F8: variants seen among roughly 807,000 people sequenced by gnomAD.
F8 encodes coagulation factor VIII.
In F8, 12 loss-of-function variants were observed where a neutral mutation model predicts 140.6. The observed-to-expected ratio is 0.09, with a 90% CI of 0.05 to 0.14. F8 has a LOEUF of 0.14. Among genes scored for constraint, F8 ranks in the 10% least tolerant of loss-of-function variants. F8 has a pLI of 1.00. For synonymous variants in F8, 585 were observed against 614.6 expected (o/e 0.95, Z 0.71); for missense variants, 1,354 against 1,720.7 (o/e 0.79, Z 3.77).
chrX:154,891,286 C>A (rs914153446), intron 22 of F8, among the ~76,000 whole-genome samples: 1 of 112,908 alleles, frequency 8.9e-6, no homozygotes, highest in Non-Finnish European at 1.9e-5. Flanking sequence ...TATAATTTGA[C>A]AACACAAAAG....
At chrX:154,940,879 G>T (rs1557279679) in intron 13 of F8, among the ~76,000 whole-genome samples, 1 of 111,984 alleles carries the variant, frequency 8.9e-6, no homozygotes, top group African/African-American at 3.2e-5. Context: ...TTAAAGAAAA[G>T]AATTTTCAAC....
At chrX:154,998,046 G>A (rs1263180664) in intron 2 of F8, among the ~76,000 whole-genome samples, 1 of 112,283 alleles carries the variant, frequency 8.9e-6, no homozygotes, top group African/African-American at 3.2e-5. Context: ...ACATAAAATA[G>A]CCTTATTTTT....
chrX:154,850,485 A>ATT (rs35039422), intron 25 of F8, among the ~76,000 whole-genome samples: 59 of 84,325 alleles, frequency 7.0e-4, no homozygotes, highest in South Asian at 2.9e-3. Flanking sequence ...CCTTCTCTTT[A>ATT]TTTTTTTTTT....
intron 14 of F8, among the ~76,000 whole-genome samples, chrX:154,913,847 C>T (rs111941487): frequency 0.01 from 1,149 of 112,582 alleles, 14 homozygotes; most frequent in African/African-American, 0.035. Flanking sequence ...TCCAGGCCCA[C>T]GGTGCAAGCT....
At chrX:154,902,986 T>A (rs1203768121) in intron 18 of F8, among the ~76,000 whole-genome samples, 1 of 111,674 alleles carries the variant, frequency 9.0e-6, no homozygotes, top group Non-Finnish European at 1.9e-5. Flanking sequence ...GGAGGGGAGA[T>A]TGAAGTTAAA....
At chrX:154,958,130 T>C (rs1267853025) in intron 10 of F8, among the ~76,000 whole-genome samples, 5 of 111,082 alleles carry the variant, frequency 4.5e-5, no homozygotes, top group Non-Finnish European at 9.4e-5. Context: ...ATGTATGGTT[T>C]CTTTAGAGTT....
intron 25 of F8, among the ~76,000 whole-genome samples, chrX:154,838,028 T>C (rs28370230): frequency 0.013 from 1,408 of 112,483 alleles, 25 homozygotes; most frequent in African/African-American, 0.043. Flanking sequence ...ACACACAGCA[T>C]CTGTGTTGGA....
chrX:154,872,303 T>C (rs1569559376), intron 22 of F8, among the ~76,000 whole-genome samples: 2 of 111,937 alleles, frequency 1.8e-5, no homozygotes, highest in Admixed American at 9.5e-5. Context: ...CCAACCCAAA[T>C]GTCCATCAAT....
intron 1 of F8, 97 bp downstream of exon 1, chrX:155,022,313 T>G: frequency 1.1e-6 from 1 of 934,441 alleles, no homozygotes; most frequent in African/African-American, 1.9e-5. Context: ...CCAGGTAGCA[T>G]CACAACCATC....
At chrX:154,960,396 T>G (rs113261176) in intron 10 of F8, among the ~76,000 whole-genome samples, 1,792 of 111,734 alleles carry the variant, frequency 0.016, 14 homozygotes, top group Middle Eastern at 0.046. Context: ...ACATCTATTA[T>G]TTTGATAAAT....
At chrX:154,961,016 A>T in intron 10 of F8, 59 bp downstream of exon 10, 1 of 773,755 alleles carries the variant, frequency 1.3e-6, no homozygotes, top group Non-Finnish European at 2.0e-6. Context: ...GTTATTGATG[A>T]TATTTATCTC....
chrX:154,890,516 AACC>A (rs1418562883), intron 22 of F8, among the ~76,000 whole-genome samples: 2 of 112,364 alleles, frequency 1.8e-5, no homozygotes, highest in African/African-American at 6.5e-5. Context: ...GCTCTTTCAA[AACC>A]ACGTTTGGGT....
chrX:154,992,825 A>G (rs1465911354), intron 4 of F8, 111 bp downstream of exon 4: 3 of 720,279 alleles, frequency 4.2e-6, no homozygotes, highest in African/African-American at 2.1e-5. Context: ...ATGCTAGAGT[A>G]AAAAAGCCTC....
chrX:154,904,379 G>A lies in F8; in HGVS notation c.5732C>T (p.Thr1911Ile), dbSNP rs1557276153. 8.3e-7 allele frequency: 1 copy of A among 1,210,027 alleles called. No individual in the cohort carries two copies. Among genetic ancestry groups the A allele is most frequent in the Non-Finnish European group, 1.1e-6 (1 of 895,004 alleles). ...CCTGCAGTTTCTTTCCATATTTTCA[G>A]TGAAGTACCAGCTTTTGGTCTCATC... ...IFDETKSWYF[T>I]ENMERNCRAP... The change falls in exon 17 of 26, where the codon ACT becomes ATT. Residue 1911 changes from threonine to isoleucine, a missense_variant. Physicochemically the swap from Thr to Ile is moderately conservative, Grantham distance 89. Around this residue, in one of 4 missense-constraint regions of F8, gnomAD observed 316 missense variants for 485.4 expected, o/e 0.65. Coordinates refer to ENST00000360256, the MANE Select transcript of F8 (RefSeq NM_000132.4).
chrX:154,940,899 C>T (rs1420758575), intron 13 of F8, among the ~76,000 whole-genome samples: 1 of 111,852 alleles, frequency 8.9e-6, no homozygotes, highest in African/African-American at 3.3e-5. Flanking sequence ...CCCAGAATTT[C>T]ATATCCAGCC....
chrX:154,873,558 A>T (rs2072791098), intron 22 of F8, among the ~76,000 whole-genome samples: 1 of 112,158 alleles, frequency 8.9e-6, no homozygotes, highest in African/African-American at 3.2e-5. Context: ...AGAAGAACAA[A>T]GCTAGAGGCA....
intron 22 of F8, among the ~76,000 whole-genome samples, chrX:154,871,333 C>T (rs1204834820): frequency 8.9e-6 from 1 of 111,992 alleles, no homozygotes; most frequent in Non-Finnish European, 1.9e-5. Context: ...CAGCATGGTA[C>T]TGGGGCCAAA....
rs782641233 is a variant in F8, at chrX:154,953,944, T to C, written c.1851A>G (p.Pro617=). 8.3e-7 allele frequency: 1 copy of C among 1,211,809 alleles called. No individual in the cohort carries two copies. Among genetic ancestry groups the C allele is most frequent in the East Asian group, 3.0e-5 (1 of 33,843 alleles). Residue 617 remains proline, a synonymous_variant, in exon 12 of 26, where the codon CCA becomes CCG. Transcript: ENST00000360256. ...CTGGATCCTCAAGCTGCACTCCAGCTGGATTGGGGAGAAAGCGTTGTATAT... is the reference window on the plus strand; with the variant it reads ...CTGGATCCTCAAGCTGCACTCCAGCCGGATTGGGGAGAAAGCGTTGTATAT... ...TENIQRFLPN[P]AGVQLEDPEF... is the part of the protein sequence containing the mutation.
intron 11 of F8, 31 bp downstream of exon 11, chrX:154,956,926 A>C: frequency 8.8e-7 from 1 of 1,136,604 alleles, no homozygotes; most frequent in Non-Finnish European, 1.2e-6. Flanking sequence ...ACTGAGAATG[A>C]AACCCAGCAC....
Sources: gnomAD v4.1 joint callset for allele counts (sites outside exome capture counted in the v4.1 genomes callset) on GRCh38, gnomAD v4.1.1 for gene constraint, gnomAD v4.1.1 regional missense constraint, MANE v1.5 for transcripts, NCBI Gene and HGNC (gene_info 2026-07-23, HGNC 2026-07-21) for gene names.